Variants in B3GALT1 observed in about 807,000 individuals in gnomAD.
B3GALT1 encodes beta-1,3-galactosyltransferase 1.
In B3GALT1, 10 loss-of-function variants were observed where a neutral mutation model predicts 23.2. The observed-to-expected ratio is 0.43, with a 90% CI of 0.27 to 0.73. The LOEUF is 0.73. Ranked by LOEUF, B3GALT1 falls within the 30% of genes least tolerant of loss-of-function variation. B3GALT1 has a pLI of 0.21. For synonymous variants in B3GALT1, 156 were observed against 141.5 expected (o/e 1.10, Z -0.73); for missense variants, 299 against 405.4 (o/e 0.74, Z 2.25).
chr2:167,829,494 A>G (rs1382672489), intron 4 of B3GALT1, among the ~76,000 whole-genome samples: 1 of 148,688 alleles, frequency 6.7e-6, no homozygotes, highest in Non-Finnish European at 1.5e-5. Flanking sequence ...AGGAAAAAAA[A>G]AAAGAAAAGA....
chr2:167,601,442 T>G (rs1467608070), intron 2 of B3GALT1, among the ~76,000 whole-genome samples: 6 of 152,202 alleles, frequency 3.9e-5, no homozygotes, highest in African/African-American at 1.4e-4. Flanking sequence ...TCTCCAGATA[T>G]TTCAGATTTT....
chr2:167,606,771 A>G (rs937662550), intron 2 of B3GALT1, among the ~76,000 whole-genome samples: 2 of 152,234 alleles, frequency 1.3e-5, no homozygotes, highest in African/African-American at 4.8e-5. Context: ...AGACAAATAA[A>G]AATGTGTTCA....
At chr2:167,331,543 C>A (rs955842962) in intron 1 of B3GALT1, among the ~76,000 whole-genome samples, 1 of 152,112 alleles carries the variant, frequency 6.6e-6, no homozygotes, top group East Asian at 1.9e-4. Flanking sequence ...GGAGTGGGTG[C>A]CAGCTGTAAT....
At chr2:167,858,231 C>T (rs1690034745) in intron 4 of B3GALT1, among the ~76,000 whole-genome samples, 1 of 149,646 alleles carries the variant, frequency 6.7e-6, no homozygotes, top group Admixed American at 6.7e-5. Context: ...ATTTTTTTTA[C>T]AACAGTGCAA....
Position 167,330,499 on chromosome 2 carries a change from A to C in B3GALT1, c.-511+37165A>C, listed in dbSNP as rs143508107. 2.0e-3 allele frequency among the ~76,000 whole-genome samples: 304 copies of C among 152,250 alleles called. 1 individual carries two copies. Among genetic ancestry groups the C allele is most frequent in the Admixed American group, 4.1e-3 (63 of 15,302 alleles). On this transcript the variant is annotated intron_variant, in intron 1 of 4. Transcript: ENST00000392690. ...GTGGCACGTGCCTGTAGTGCCAGCA[A>C]CTTGGGTGGCTGAGGTGGGAGGATC...
intron 4 of B3GALT1, among the ~76,000 whole-genome samples, chr2:167,834,069 G>T (rs577038539): frequency 6.6e-6 from 1 of 152,134 alleles, no homozygotes; most frequent in Admixed American, 6.5e-5. Flanking sequence ...GAACTTTGCT[G>T]CACAAAATAG....
At chr2:167,558,623 C>T (rs768042494) in intron 2 of B3GALT1, among the ~76,000 whole-genome samples, 42 of 152,310 alleles carry the variant, frequency 2.8e-4, no homozygotes, top group Non-Finnish European at 5.7e-4. Context: ...GCTTTTCCGA[C>T]GGGCTTAGGA....
chr2:167,670,054 C>G (rs1362736855), intron 3 of B3GALT1, among the ~76,000 whole-genome samples: 1 of 152,226 alleles, frequency 6.6e-6, no homozygotes, highest in Non-Finnish European at 1.5e-5. Flanking sequence ...CAGACTCCCT[C>G]CAAGCTAGCC....
chr2:167,588,514 G>A lies in B3GALT1; in HGVS notation c.-409-58395G>A, dbSNP rs1220467916. 2.6e-5 allele frequency among the ~76,000 whole-genome samples: 4 copies of A among 152,086 alleles called. No homozygotes were observed. In the East Asian group the frequency reaches 7.7e-4, roughly 29 times the overall value. On this transcript the variant is annotated intron_variant, in intron 2 of 4. Coordinates refer to ENST00000392690, the MANE Select transcript of B3GALT1 (RefSeq NM_020981.4). ...TTACACTCCCCACAATAGCATATAAGGGTGACAGTTTTCCACACTCATACG... is the reference window on the plus strand; with the variant it reads ...TTACACTCCCCACAATAGCATATAAAGGTGACAGTTTTCCACACTCATACG...
chr2:167,370,298 T>A (rs1697662241), intron 1 of B3GALT1, among the ~76,000 whole-genome samples: 1 of 152,236 alleles, frequency 6.6e-6, no homozygotes, highest in Non-Finnish European at 1.5e-5. Context: ...GTTCATTTTG[T>A]TGAGCACATT....
intron 2 of B3GALT1, among the ~76,000 whole-genome samples, chr2:167,542,224 T>A (rs1351436689): frequency 6.6e-6 from 1 of 152,136 alleles, no homozygotes; most frequent in East Asian, 1.9e-4. Flanking sequence ...CTTTCATAAT[T>A]TATAGATGTT....
At chr2:167,385,829 C>T (rs761393477) in intron 1 of B3GALT1, among the ~76,000 whole-genome samples, 4 of 152,098 alleles carry the variant, frequency 2.6e-5, no homozygotes, top group Admixed American at 6.5e-5. Context: ...CTTTGCAGCT[C>T]GGCCTCAGGT....
chr2:167,733,137 C>G (rs1687433573), intron 3 of B3GALT1, among the ~76,000 whole-genome samples: 1 of 146,198 alleles, frequency 6.8e-6, no homozygotes, highest in South Asian at 2.2e-4. Context: ...GGAGGAGAAT[C>G]TGATCTTCTT....
At chr2:167,394,285 A>G (rs990845504) in intron 1 of B3GALT1, among the ~76,000 whole-genome samples, 1 of 152,196 alleles carries the variant, frequency 6.6e-6, no homozygotes, top group Non-Finnish European at 1.5e-5. Context: ...TTCGTTTTCT[A>G]TATCTATACA....
chr2:167,434,673 T>A (rs1048694402), intron 1 of B3GALT1, among the ~76,000 whole-genome samples: 1 of 152,034 alleles, frequency 6.6e-6, no homozygotes, highest in South Asian at 2.1e-4. Context: ...AAGTGTTTAG[T>A]TGATATGTCT....
chr2:167,409,278 T>C (rs180891857), intron 1 of B3GALT1, among the ~76,000 whole-genome samples: 33 of 152,314 alleles, frequency 2.2e-4, no homozygotes, highest in Non-Finnish European at 4.3e-4. Context: ...CTATATTTCC[T>C]GAATTTGAAT....
At chr2:167,344,504 GT>G (rs1335103030) in intron 1 of B3GALT1, among the ~76,000 whole-genome samples, 3 of 152,102 alleles carry the variant, frequency 2.0e-5, no homozygotes, top group Non-Finnish European at 4.4e-5. Flanking sequence ...GACAATTTGT[GT>G]AACTCTTCTT....
chr2:167,406,972 G>A (rs556360646), intron 1 of B3GALT1, among the ~76,000 whole-genome samples: 7 of 152,256 alleles, frequency 4.6e-5, no homozygotes, highest in African/African-American at 7.2e-5. Flanking sequence ...GAGTTTAAAC[G>A]ACATACCCTA....
intron 3 of B3GALT1, among the ~76,000 whole-genome samples, chr2:167,663,469 T>C (rs1686110292): frequency 6.6e-6 from 1 of 151,938 alleles, no homozygotes; most frequent in Admixed American, 6.6e-5. Context: ...CCTTTGGGTA[T>C]ATGCCCAGTA....
Sources: allele counts gnomAD v4.1 joint callset (sites outside exome capture counted in the v4.1 genomes callset), GRCh38; gene constraint gnomAD v4.1.1; transcripts MANE v1.5; gene names NCBI Gene and HGNC (gene_info 2026-07-23, HGNC 2026-07-21).